Variants in CLSTN1 observed in about 807,000 individuals in gnomAD.
The protein encoded by CLSTN1 is calsyntenin-1.
CLSTN1 carries 28 observed loss-of-function variants against 108.3 expected under a neutral mutation model. That is an observed-to-expected ratio of 0.26 (90% CI 0.19 to 0.35). The LOEUF is 0.35. Ranked by LOEUF, CLSTN1 falls within the 10% of genes least tolerant of loss-of-function variation. The pLI is 1.00. For missense variants in CLSTN1, 1,157 were observed against 1,302.6 expected (o/e 0.89, Z 1.72); for synonymous variants, 524 against 534.9 (o/e 0.98, Z 0.28).
At chr1:9,795,309 G>A (rs1238775374) in intron 1 of CLSTN1, among the ~76,000 whole-genome samples, 1 of 150,936 alleles carries the variant, frequency 6.6e-6, no homozygotes, top group East Asian at 2.0e-4. Context: ...GGGATTACAG[G>A]CATGCGCCAC....
rs1205190315 is a variant in CLSTN1, at chr1:9,744,744, G to A, written c.986-101C>T. 11 of 1,362,568 alleles carry A rather than the reference G, an allele frequency of 8.1e-6. No individual in the cohort carries two copies. The Admixed American group carries it at 2.0e-4, about 24-fold the overall frequency. 84.4% of individuals were successfully genotyped at this position (1,362,568 alleles called of 1,614,324 possible). On this transcript the variant is annotated intron_variant, in intron 7 of 18. Transcript: ENST00000377298. ...TTGTCTTACACTTAGGCAATCTGCT[G>A]GCTCCAGTTTACTTTTTTTTTTTCT...
At chr1:9,792,192 A>AAACAACAAC (rs539933669) in intron 1 of CLSTN1, among the ~76,000 whole-genome samples, 1 of 150,882 alleles carries the variant, frequency 6.6e-6, no homozygotes, top group Non-Finnish European at 1.5e-5. Context: ...TCAAGGGGAA[A>AAACAACAAC]AACAACAACA....
At position 9,735,462 on chromosome 1, in the gene CLSTN1, C is replaced by A; in HGVS notation, c.1883+5G>T. The stretch of plus-strand genomic sequence containing the variant: ...ACAGGCCGGCTGTTAAAAATCAGGA[C>A]GTACTTGATTGTGCTGGTGATTTTG... On this transcript the variant is annotated splice_donor_5th_base_variant and intron_variant, in intron 13 of 18. Coordinates refer to ENST00000377298, the MANE Select transcript of CLSTN1 (RefSeq NM_001009566.3). 1.2e-6 allele frequency: 2 copies of A among 1,614,158 alleles called. No individual in the cohort carries two copies. The highest frequency in any genetic ancestry group is 1.7e-6 in the Non-Finnish European group (2 of 1,180,024).
chr1:9,772,339 G>C (rs780030090), intron 2 of CLSTN1, among the ~76,000 whole-genome samples: 1 of 144,940 alleles, frequency 6.9e-6, no homozygotes, highest in African/African-American at 2.6e-5. Context: ...ATGGGGTCTT[G>C]CTCTGTTGCC....
At chr1:9,749,955 C>G (rs1651474899) in intron 5 of CLSTN1, 42 bp from the exon 6 acceptor site, 5 of 1,573,194 alleles carry the variant, frequency 3.2e-6, no homozygotes. Context: ...AAAACCCATG[C>G]TGGTTTTACT....
chr1:9,776,804 A>C (rs1311816375), intron 1 of CLSTN1, among the ~76,000 whole-genome samples: 1 of 151,958 alleles, frequency 6.6e-6, no homozygotes, highest in African/African-American at 2.4e-5. Context: ...CTATCTATCT[A>C]TCTATCTATC....
intron 16 of CLSTN1, 139 bp from the exon 17 acceptor site, chr1:9,732,035 G>T: frequency 1.3e-6 from 1 of 792,608 alleles, no homozygotes; most frequent in Non-Finnish European, 1.8e-6. Flanking sequence ...ACGGAGCTAC[G>T]GGAAAAGGAC....
In CLSTN1 at chr1:9,749,558, G is replaced by A. The variant is rs201355414; in HGVS notation, c.888C>T (p.Val296=). 6.2e-6 allele frequency: 10 copies of A among 1,614,068 alleles called. No individual in the cohort carries two copies. The highest frequency in any genetic ancestry group is 1.7e-5 in the Admixed American group (1 of 60,002). ...GCTCCACTGTGGCCTGTACTGAGGC[G>A]ACTGGCTCGTCACATGTCTCCAGGT... ...NIHLETCDEP[V]ASVQATVELE... The change falls in exon 7 of 19, where the codon GTC becomes GTT. Residue 296 remains valine (V), a synonymous_variant. Transcript: ENST00000377298.
chr1:9,758,594 G>A (rs1031546677), intron 2 of CLSTN1, among the ~76,000 whole-genome samples: 3 of 152,190 alleles, frequency 2.0e-5, no homozygotes, highest in Non-Finnish European at 2.9e-5. Context: ...GATTACAGGC[G>A]TGAGTCACCG....
chr1:9,794,697 A>T (rs1167690874), intron 1 of CLSTN1, among the ~76,000 whole-genome samples: 2 of 151,412 alleles, frequency 1.3e-5, no homozygotes, highest in African/African-American at 4.8e-5. Context: ...CCTATTTTGC[A>T]ATGTTATCAG....
rs12354258 is a variant in CLSTN1, at chr1:9,730,825, G to A, written c.2749-120C>T. 0.011 allele frequency: 10,180 copies of A among 954,946 alleles called. 621 individuals carry two copies. The African/African-American group carries it at 0.14, about 13-fold the overall frequency. 59.2% of individuals were successfully genotyped at this position (954,946 alleles called of 1,614,324 possible). ...TTGCCCCAGCGTCTCCCTCCCCAGC[G>A]ACAGAGCAGCCAGGACGGCACCGGA... On this transcript the variant is annotated intron_variant, in intron 18 of 18. Coordinates refer to ENST00000377298, the MANE Select transcript of CLSTN1 (RefSeq NM_001009566.3). This position sits in a 1 kb window ranked among gnomAD's most constrained non-coding sequence, Gnocchi z 5.6.
intron 2 of CLSTN1, among the ~76,000 whole-genome samples, chr1:9,760,684 G>GTT (rs762619559): frequency 0.011 from 1,167 of 102,356 alleles, 15 homozygotes; most frequent in African/African-American, 0.027. Flanking sequence ...CCATTCCCGG[G>GTT]TTTTTTTTTT....
At chr1:9,755,417 G>A in intron 3 of CLSTN1, 108 bp from the exon 4 acceptor site, 1 of 941,460 alleles carries the variant, frequency 1.1e-6, no homozygotes, top group African/African-American at 1.6e-5. Context: ...ACAACAATTT[G>A]GCAGCCAGGG....
chr1:9,744,766 TTC>T (rs1394712131), intron 7 of CLSTN1, 123 bp from the exon 8 acceptor site: 2 of 1,229,604 alleles, frequency 1.6e-6, no homozygotes, highest in Non-Finnish European at 2.2e-6. Flanking sequence ...CTTTTTTTTT[TTC>T]TTTCGAGACA....
intron 2 of CLSTN1, among the ~76,000 whole-genome samples, chr1:9,766,558 G>A (rs1652343417): frequency 6.6e-6 from 1 of 152,166 alleles, no homozygotes; most frequent in South Asian, 2.1e-4. Context: ...TACTCGAGAG[G>A]CTGAGGCATG....
chr1:9,748,041 C>CT (rs1398421333), intron 7 of CLSTN1, among the ~76,000 whole-genome samples: 2 of 139,770 alleles, frequency 1.4e-5, no homozygotes, highest in Non-Finnish European at 3.0e-5. Context: ...GAGACTCTGT[C>CT]TAAAAAAAAA....
chr1:9,757,155 G>A (rs1651854745), intron 2 of CLSTN1, among the ~76,000 whole-genome samples: 1 of 151,448 alleles, frequency 6.6e-6, no homozygotes, highest in Non-Finnish European at 1.5e-5. Flanking sequence ...GTTTTCAGAT[G>A]TTCATTTCCA....
In CLSTN1 at chr1:9,728,941, TTTATGTTCTC is replaced by T. The variant is rs1466554165; in HGVS notation, c.*1557_*1566del. ...GAAAGAAAAAGCCTTTTTATGTTCT[TTTATGTTCTC>T]GGCTCAAAAAGAAACAAGGGAGTGT... On this transcript the variant is annotated 3_prime_UTR_variant, in exon 19 of 19. Transcript: ENST00000377298. The T allele has an allele frequency of 1.3e-5, 2 of 152,222 alleles. No individual in the cohort carries two copies. The highest frequency in any genetic ancestry group is 6.5e-5 in the Admixed American group (1 of 15,286). 9.4% of individuals were successfully genotyped at this position (152,222 alleles called of 1,614,324 possible).
intron 4 of CLSTN1, among the ~76,000 whole-genome samples, chr1:9,753,486 G>C (rs953939106): frequency 1.3e-5 from 2 of 151,808 alleles, no homozygotes; most frequent in South Asian, 2.1e-4. Context: ...TCCACCAGCA[G>C]TGACTAATTT....
Sources: gnomAD v4.1 joint callset for allele counts (sites outside exome capture counted in the v4.1 genomes callset) on GRCh38, gnomAD v4.1.1 for gene constraint, Gnocchi (gnomAD v3.1) non-coding constraint, MANE v1.5 for transcripts, NCBI Gene and HGNC (gene_info 2026-07-23, HGNC 2026-07-21) for gene names.